Variants in SLC30A8 observed in about 807,000 individuals in gnomAD.
The protein encoded by SLC30A8 is proton-coupled zinc antiporter SLC30A8.
SLC30A8 carries 27 observed loss-of-function variants against 36.9 expected under a neutral mutation model. The observed-to-expected ratio is 0.73, with a 90% CI of 0.54 to 1.01. The LOEUF (loss-of-function observed/expected upper bound fraction) is 1.01, where lower values mean the gene tolerates loss of function less well. Ranked by LOEUF, SLC30A8 falls within the 50% of genes least tolerant of loss-of-function variation. SLC30A8 has a pLI of 0.00. For missense variants in SLC30A8, 439 were observed against 452.0 expected, an observed-to-expected ratio of 0.97 and a Z score of 0.26; for synonymous variants, 164 against 172.4, an observed-to-expected ratio of 0.95 and a Z score of 0.38.
upstream of SLC30A8, among the ~76,000 whole-genome samples, chr8:117,130,471 T>G (rs1473984463): frequency 2.0e-5 from 3 of 151,968 alleles, no homozygotes; most frequent in African/African-American, 7.2e-5. Flanking sequence ...AAATAAACAG[T>G]GCTCATGAAA....
chr8:116,997,461 A>G (rs567439037), intron 1 of SLC30A8, among the ~76,000 whole-genome samples: 1 of 152,298 alleles, frequency 6.6e-6, no homozygotes, highest in South Asian at 2.1e-4. Context: ...GGAAGATGAT[A>G]AACAGTTTTA....
intron 2 of SLC30A8, among the ~76,000 whole-genome samples, chr8:117,125,756 A>G (rs1480573034): frequency 3.3e-5 from 5 of 152,074 alleles, no homozygotes; most frequent in Non-Finnish European, 7.4e-5. Context: ...CTCATGTCTC[A>G]TAATAAATTG....
chr8:117,042,132 T>A (rs1334038550), intron 2 of SLC30A8, among the ~76,000 whole-genome samples: 2 of 152,252 alleles, frequency 1.3e-5, no homozygotes, highest in African/African-American at 4.8e-5. Context: ...CAATATTCTC[T>A]TTAATTTTCA....
chr8:117,083,377 C>T (rs1307266958), intron 2 of SLC30A8, among the ~76,000 whole-genome samples: 4 of 152,132 alleles, frequency 2.6e-5, no homozygotes, highest in African/African-American at 4.8e-5. Flanking sequence ...CATAACCTCT[C>T]TCTGGGGTCA....
intron 2 of SLC30A8, among the ~76,000 whole-genome samples, chr8:117,066,204 C>T (rs754173691): frequency 9.9e-5 from 15 of 152,268 alleles, no homozygotes; most frequent in East Asian, 1.9e-4. Context: ...AGTAGGCAAG[C>T]GCCTTCTTTC....
rs187366233 is a variant in SLC30A8, at chr8:117,049,695, C to G, written c.-226+10437C>G. ...AAAACACCAAATAAATCCTTTGAAT[C>G]ACTTCCTGAAATGATAGGTCTCTTT... is the stretch of plus-strand genomic sequence containing the variant. On this transcript the variant is annotated intron_variant, in intron 2 of 10. Transcript: ENST00000427715. 2.6e-5 allele frequency among the ~76,000 whole-genome samples: 4 copies of G among 152,302 alleles called. No individual in the cohort carries two copies. The East Asian group carries it at 7.7e-4, about 29-fold the overall frequency.
chr8:117,080,430 G>C (rs1818636435), intron 2 of SLC30A8, among the ~76,000 whole-genome samples: 1 of 152,052 alleles, frequency 6.6e-6, no homozygotes, highest in Non-Finnish European at 1.5e-5. Context: ...GTGGTTTGAG[G>C]AACGATTGAC....
intron 5 of SLC30A8, 142 bp downstream of exon 5, chr8:117,162,030 C>T: frequency 4.7e-6 from 3 of 639,256 alleles, no homozygotes; most frequent in Non-Finnish European, 7.6e-6. Flanking sequence ...CAAGCAAACA[C>T]TCAACCATGG....
chr8:116,955,708 G>A (rs906476212), intron 1 of SLC30A8, among the ~76,000 whole-genome samples: 2 of 147,050 alleles, frequency 1.4e-5, no homozygotes, highest in Non-Finnish European at 3.0e-5. Flanking sequence ...GGGTGACAGA[G>A]CGAGACTCTG....
rs769900402 is a variant in SLC30A8 at position 117,147,057 on chromosome 8, C to G, written c.175C>G (p.Pro59Ala). ...GMYHCHSGSK[P>A]TEKGANEYAY... ...GTACCACTGCCACAGTGGCTCCAAGCCCACAGAAAAGGGGGCGAATGAGTA... is the reference window on the plus strand; with the variant it reads ...GTACCACTGCCACAGTGGCTCCAAGGCCACAGAAAAGGGGGCGAATGAGTA... The change falls in exon 2 of 8, where the codon CCC becomes GCC. Residue 59 changes from proline (P) to alanine (A), a missense_variant. Transcript: ENST00000456015. The G allele has an allele frequency of 8.7e-6, 14 of 1,614,138 alleles. No homozygotes were observed. Among genetic ancestry groups the G allele is most frequent in the Non-Finnish European group, 1.2e-5 (14 of 1,180,016 alleles).
At chr8:117,028,284 T>A (rs143660907) in intron 1 of SLC30A8, among the ~76,000 whole-genome samples, 2 of 152,336 alleles carry the variant, frequency 1.3e-5, no homozygotes, top group African/African-American at 4.8e-5. Context: ...GTGGTATTTT[T>A]AAAATGCAGC....
At chr8:116,984,389 T>A (rs1815373059) in intron 1 of SLC30A8, among the ~76,000 whole-genome samples, 1 of 152,188 alleles carries the variant, frequency 6.6e-6, no homozygotes, top group African/African-American at 2.4e-5. Flanking sequence ...ACAGCCAAAC[T>A]GTTTTCAGGA....
chr8:117,140,124 G>A (rs952232777), intron 1 of SLC30A8, among the ~76,000 whole-genome samples: 1 of 152,032 alleles, frequency 6.6e-6, no homozygotes, highest in Admixed American at 6.6e-5. Context: ...GGGTTCAACA[G>A]TAGAGCTGTA....
chr8:116,969,829 G>A (rs976669249), intron 1 of SLC30A8, among the ~76,000 whole-genome samples: 1 of 152,152 alleles, frequency 6.6e-6, no homozygotes, highest in Non-Finnish European at 1.5e-5. Context: ...GGAGCTTGCA[G>A]GACTGAAAGT....
At chr8:117,001,806 C>T (rs759682017) in intron 1 of SLC30A8, among the ~76,000 whole-genome samples, 7 of 152,092 alleles carry the variant, frequency 4.6e-5, no homozygotes, top group Non-Finnish European at 7.4e-5. Flanking sequence ...ATCATATTAG[C>T]TACTATTCAG....
At position 117,083,950 on chromosome 8, in the gene SLC30A8, A is replaced by G. The variant is rs1818766470; in HGVS notation, c.-226+44692A>G. ...TGATTTCATCTGACCAATTGATTTC[A>G]GGCTACTTTCAAGATAGCCCTACTG... On this transcript the variant is annotated intron_variant, in intron 2 of 10. Coordinates refer to the SLC30A8 transcript ENST00000427715. 2.0e-5 allele frequency among the ~76,000 whole-genome samples: 3 copies of G among 152,136 alleles called. No individual in the cohort carries two copies. The South Asian group carries it at 6.2e-4, about 32-fold the overall frequency.
intron 1 of SLC30A8, among the ~76,000 whole-genome samples, chr8:117,008,126 T>C (rs1260290209): frequency 6.6e-6 from 1 of 152,204 alleles, no homozygotes; most frequent in African/African-American, 2.4e-5. Context: ...TTGAGCTTCA[T>C]TGCCAACATT....
chr8:117,153,724 G>GTA (rs1491251327), intron 3 of SLC30A8, among the ~76,000 whole-genome samples: 1 of 49,942 alleles, frequency 2.0e-5, no homozygotes, highest in East Asian at 6.3e-4. Context: ...ATGATAAGGG[G>GTA]TGTGTGTGTG....
rs767831564 is a variant in SLC30A8, at chr8:117,146,982, A to G, written c.100A>G (p.Lys34Glu). 1 of 1,614,060 alleles carries G rather than the reference A, an allele frequency of 6.2e-7. No individual in the cohort carries two copies. Among genetic ancestry groups the G allele is most frequent in the Admixed American group, 1.7e-5 (1 of 60,010 alleles). Residue 34 changes from lysine (K) to glutamate (E), a missense_variant, in exon 2 of 8, where the codon AAA becomes GAA. Transcript: ENST00000456015. Reference sequence around the variant, plus strand: ...GGAACTCCAACAGAAACCGGTGAATAAAGATCAGTGTCCCAGAGAGAGACC... The same window carrying G: ...GGAACTCCAACAGAAACCGGTGAATGAAGATCAGTGTCCCAGAGAGAGACC... Reference protein sequence around the residue: ...SVELQQKPVNKDQCPRERPEE... With the variant: ...SVELQQKPVNEDQCPRERPEE...
Sources: allele counts gnomAD v4.1 joint callset (sites outside exome capture counted in the v4.1 genomes callset), GRCh38; gene constraint gnomAD v4.1.1; transcripts MANE v1.5; gene names NCBI Gene and HGNC (gene_info 2026-07-23, HGNC 2026-07-21).